The following VPS37A variants were observed in gnomAD, a reference collection of about 807,000 sequenced individuals.
The protein encoded by VPS37A is VPS37A subunit of ESCRT-I, also known as vacuolar protein sorting-associated protein 37A.
A neutral mutation model predicts 49.8 loss-of-function variants in VPS37A; 30 were observed. The ratio of observed to expected loss-of-function variants is 0.60; its 90% confidence interval spans 0.45 to 0.82. VPS37A has a LOEUF of 0.82. Ranked by LOEUF, VPS37A falls within the 40% of genes least tolerant of loss-of-function variation. The pLI is 0.00. For missense variants in VPS37A, 593 were observed against 464.4 expected (o/e 1.28, Z -2.55); for synonymous variants, 195 against 160.6 (o/e 1.21, Z -1.62).
At chr8:17,303,345 T>G (rs1817249628), downstream of VPS37A, among the ~76,000 whole-genome samples, 1 of 152,000 alleles carries the variant, frequency 6.6e-6, no homozygotes, top group Non-Finnish European at 1.5e-5. Context: ...ATAATTAGAT[T>G]GAAATAATTA....
the VPS37A span, among the ~76,000 whole-genome samples, chr8:17,332,336 C>A: frequency 1.3e-5 from 2 of 152,144 alleles, no homozygotes; most frequent in African/African-American, 4.8e-5. Flanking sequence ...TCCTAAAAGT[C>A]TGACAAAATT....
At chr8:17,284,219 G>T (rs1815373065) in intron 9 of VPS37A, among the ~76,000 whole-genome samples, 1 of 152,198 alleles carries the variant, frequency 6.6e-6, no homozygotes, top group Non-Finnish European at 1.5e-5. Context: ...CCTTAGGAGA[G>T]AACAATGATT....
At chr8:17,293,083 A>G (rs1308310807) in intron 11 of VPS37A, among the ~76,000 whole-genome samples, 1 of 152,234 alleles carries the variant, frequency 6.6e-6, no homozygotes, top group East Asian at 1.9e-4. Flanking sequence ...ACTTTCAGGT[A>G]CACCAATCAA....
the VPS37A span, among the ~76,000 whole-genome samples, chr8:17,324,375 C>T: frequency 1.3e-5 from 2 of 152,206 alleles, no homozygotes; most frequent in African/African-American, 4.8e-5. Context: ...ATGCACTCTC[C>T]ATCTTCAGAT....
rs1816706586 is a variant in VPS37A at position 17,297,033 on chromosome 8, A to G, written c.*2047A>G. 3 of 152,298 alleles carry G rather than the reference A, an allele frequency of 2.0e-5. No homozygotes were observed. 9.4% of individuals were successfully genotyped at this position (152,298 alleles called of 1,614,324 possible). On this transcript the variant is annotated 3_prime_UTR_variant, in exon 12 of 12. Coordinates refer to ENST00000324849, the MANE Select transcript of VPS37A (RefSeq NM_152415.3). ...GGTTCTGTTTTTGCAACAGAGATTAAGTGACCATTTTTTCTAATTTTATGG... is the reference window on the plus strand; with the variant it reads ...GGTTCTGTTTTTGCAACAGAGATTAGGTGACCATTTTTTCTAATTTTATGG...
chr8:17,303,237 A>G (rs927332065), downstream of VPS37A, among the ~76,000 whole-genome samples: 5 of 152,198 alleles, frequency 3.3e-5, no homozygotes, highest in African/African-American at 1.2e-4. Context: ...GTTGCAATCC[A>G]ACTGGTCATA....
At chr8:17,255,275 G>A (rs1265290353) in intron 1 of VPS37A, among the ~76,000 whole-genome samples, 1 of 152,182 alleles carries the variant, frequency 6.6e-6, no homozygotes, top group Non-Finnish European at 1.5e-5. Flanking sequence ...GAGGTCAGGA[G>A]TTCGAGACCA....
chr8:17,330,054 C>G, the VPS37A span, among the ~76,000 whole-genome samples: 22 of 152,174 alleles, frequency 1.4e-4, no homozygotes, highest in Admixed American at 1.4e-3. Flanking sequence ...CAGCCCCAAA[C>G]AAGTTAACTG....
chr8:17,302,102 C>T (rs755821802), downstream of VPS37A: 4 of 1,608,544 alleles, frequency 2.5e-6, no homozygotes, highest in African/African-American at 4.0e-5. Context: ...TGAAGCCTTG[C>T]TCTTCAAGAA....
rs764434037 is a variant in VPS37A at position 17,247,221 on chromosome 8, C to A, written c.-24C>A. ...GAAGCAGGCCAGAGCCTTCCAGGGC[C>A]TCCGGCCCGTGGACCCGAGGAGGAT... On this transcript the variant is annotated 5_prime_UTR_variant, in exon 1 of 12. Coordinates refer to ENST00000324849, the MANE Select transcript of VPS37A (RefSeq NM_152415.3). 6.4e-7 allele frequency: 1 copy of A among 1,563,502 alleles called. No homozygotes were observed. The highest frequency in any genetic ancestry group is 1.2e-5 in the South Asian group (1 of 84,966).
intron 1 of VPS37A, among the ~76,000 whole-genome samples, chr8:17,259,179 A>G (rs1049828448): frequency 5.3e-5 from 8 of 151,964 alleles, no homozygotes; most frequent in Non-Finnish European, 1.0e-4. Context: ...TGTTTATTTG[A>G]AGTCTTTTTA....
At position 17,260,754 on chromosome 8, in the gene VPS37A, G is replaced by T. The variant is rs1333046999; in HGVS notation, c.126-5153G>T. Among the ~76,000 whole-genome samples, 4 of 152,118 alleles carry T rather than the reference G, an allele frequency of 2.6e-5. 1 individual carries two copies. Among genetic ancestry groups the T allele is most frequent in the Admixed American group, 2.0e-4 (3 of 15,268 alleles). ...TTTTTGGATGGCAAGTTGTTTGTTT[G>T]TTTGTTCGTTTTTTCCTTTCAGCAT... On this transcript the variant is annotated intron_variant, in intron 1 of 11. Transcript: ENST00000324849.
intron 10 of VPS37A, 126 bp downstream of exon 10, chr8:17,284,742 A>G (rs1221639210): frequency 8.5e-7 from 1 of 1,180,240 alleles, no homozygotes; most frequent in Non-Finnish European, 1.1e-6. Flanking sequence ...TGTACAATAT[A>G]TTTACCTGAA....
intron 1 of VPS37A, among the ~76,000 whole-genome samples, chr8:17,262,691 A>G (rs903460852): frequency 6.6e-6 from 1 of 152,130 alleles, no homozygotes; most frequent in South Asian, 2.1e-4. Context: ...AAAGCTGCAA[A>G]CAATCTAAAT....
chr8:17,311,667 A>G, the VPS37A span: 35 of 1,613,558 alleles, frequency 2.2e-5, no homozygotes, highest in Non-Finnish European at 2.7e-5. Flanking sequence ...AAAGAGTCAC[A>G]AAGAATGGCT....
At chr8:17,311,630 A>T in the VPS37A span, 10 of 1,614,040 alleles carry the variant, frequency 6.2e-6, no homozygotes, top group Non-Finnish European at 8.5e-6. Context: ...CCTTCCTCTG[A>T]CACTGCCTAG....
the VPS37A span, among the ~76,000 whole-genome samples, chr8:17,332,619 C>T: frequency 6.6e-6 from 1 of 152,214 alleles, no homozygotes; most frequent in Non-Finnish European, 1.5e-5. Context: ...GCCGCTGCTG[C>T]TGCCCAGCAT....
chr8:17,277,559 C>G (rs1400568824), intron 6 of VPS37A, among the ~76,000 whole-genome samples: 1 of 151,970 alleles, frequency 6.6e-6, no homozygotes, highest in Non-Finnish European at 1.5e-5. Flanking sequence ...CACCATTATT[C>G]TAAAGCAAAT....
Position 17,296,775 on chromosome 8 carries a change from T to C in VPS37A, c.*1789T>C, listed in dbSNP as rs949259188. 1.3e-5 allele frequency: 2 copies of C among 152,186 alleles called. No homozygotes were observed. The highest frequency in any genetic ancestry group is 4.8e-5 in the African/African-American group (2 of 41,454). The allele number at this position is 152,186 out of a possible 1,614,324, so 9.4% of individuals were successfully genotyped here. On this transcript the variant is annotated 3_prime_UTR_variant, in exon 12 of 12. Coordinates refer to ENST00000324849, the MANE Select transcript of VPS37A (RefSeq NM_152415.3). ...AACATTTTCTTACAGAGTAAAAATG[T>C]TCTACATAATCACATGAGTAGTTCA... is the stretch of plus-strand genomic sequence containing the variant.
Sources: allele counts gnomAD v4.1 joint callset (sites outside exome capture counted in the v4.1 genomes callset), GRCh38; gene constraint gnomAD v4.1.1; transcripts MANE v1.5; gene names NCBI Gene and HGNC (gene_info 2026-07-23, HGNC 2026-07-21).